PDE1A: variants seen among roughly 807,000 people sequenced by gnomAD.
PDE1A encodes the protein phosphodiesterase 1A.
In PDE1A, 35 loss-of-function variants were observed where a neutral mutation model predicts 61.7. The observed-to-expected ratio is 0.57, with a 90% CI of 0.43 to 0.75. PDE1A has a LOEUF of 0.75. PDE1A is among the 30% of genes least tolerant of loss of function. The pLI, the probability that PDE1A is intolerant of heterozygous loss-of-function variation, is 0.00. For synonymous variants in PDE1A, 232 were observed against 213.2 expected, an observed-to-expected ratio of 1.09 and a Z score of -0.77; for missense variants, 597 against 630.6, an observed-to-expected ratio of 0.95 and a Z score of 0.57.
intron 1 of PDE1A, among the ~76,000 whole-genome samples, chr2:182,363,895 A>G (rs1699661633): frequency 6.6e-6 from 1 of 152,016 alleles, no homozygotes; most frequent in Non-Finnish European, 1.5e-5. Context: ...CTCAGAACGT[A>G]TAGATGGAAA....
chr2:182,300,918 A>G (rs1322616241), intron 1 of PDE1A, among the ~76,000 whole-genome samples: 1 of 152,178 alleles, frequency 6.6e-6, no homozygotes, highest in African/African-American at 2.4e-5. Context: ...CAAATGACTG[A>G]TTTCTCATAA....
At chr2:182,199,032 T>C (rs540320294) in intron 10 of PDE1A, among the ~76,000 whole-genome samples, 6 of 152,112 alleles carry the variant, frequency 3.9e-5, no homozygotes, top group East Asian at 1.9e-4. Context: ...GAAACAGATA[T>C]ATGAATATTC....
At chr2:182,690,812 G>C in the PDE1A span, among the ~76,000 whole-genome samples, 1 of 152,162 alleles carries the variant, frequency 6.6e-6, no homozygotes, top group Non-Finnish European at 1.5e-5. Flanking sequence ...TCTTTAAGCT[G>C]ATAAGCAACT....
exon 15 of PDE1A, chr2:182,140,456 GC>G (rs1690179399): frequency 6.6e-6 from 1 of 152,104 alleles, no homozygotes; most frequent in South Asian, 2.1e-4. Flanking sequence ...AAATTGAATT[GC>G]ATAAAACACC....
At chr2:182,609,768 C>A in the PDE1A span, among the ~76,000 whole-genome samples, 2 of 152,342 alleles carry the variant, frequency 1.3e-5, no homozygotes, top group South Asian at 4.1e-4. Context: ...GATTCCCATT[C>A]CAGAGTGGGT....
chr2:182,240,094 C>T lies in PDE1A; in HGVS notation c.350+16G>A. On this transcript the variant is annotated intron_variant, in intron 3 of 13. Transcript: ENST00000351439. ...TTCAAATGTTACTGTCTTGAGATAC[C>T]AACAATTTCACTTACCTTTCCACAA... is the stretch of plus-strand genomic sequence containing the variant. 6.2e-7 allele frequency: 1 copy of T among 1,608,562 alleles called. No homozygotes were observed.
chr2:182,528,633 T>C, the PDE1A span, among the ~76,000 whole-genome samples: 2 of 152,190 alleles, frequency 1.3e-5, no homozygotes, highest in African/African-American at 4.8e-5. Flanking sequence ...CTCCACAGTA[T>C]GTCAGAGACC....
chr2:182,146,952 T>C (rs931443803), downstream of PDE1A: 4 of 535,820 alleles, frequency 7.5e-6, no homozygotes, highest in African/African-American at 7.8e-5. Context: ...GGAGGGCATT[T>C]AAATAAGAAA....
chr2:182,452,989 CACAA>C (rs2125723575), intron 2 of PDE1A, among the ~76,000 whole-genome samples: 1 of 152,208 alleles, frequency 6.6e-6, no homozygotes, highest in East Asian at 1.9e-4. Flanking sequence ...GGACAGTCCG[CACAA>C]ACAGATCCAA....
intron 13 of PDE1A, among the ~76,000 whole-genome samples, chr2:182,157,430 G>C (rs1010510721): frequency 6.6e-6 from 1 of 152,146 alleles, no homozygotes; most frequent in Non-Finnish European, 1.5e-5. Flanking sequence ...CAAGAGCTAT[G>C]AACTGTTTCT....
the PDE1A span, among the ~76,000 whole-genome samples, chr2:182,545,135 A>G: frequency 6.6e-6 from 1 of 152,238 alleles, no homozygotes; most frequent in African/African-American, 2.4e-5. Context: ...AAGGAAAGAC[A>G]GACACAAGTG....
At chr2:182,429,380 C>A (rs1422845551), upstream of PDE1A, among the ~76,000 whole-genome samples, 1 of 151,886 alleles carries the variant, frequency 6.6e-6, no homozygotes, top group Non-Finnish European at 1.5e-5. Flanking sequence ...CTGTAGTGTG[C>A]AAAATACTAA....
At chr2:182,250,532 C>A (rs1012173471) in intron 2 of PDE1A, among the ~76,000 whole-genome samples, 2 of 151,944 alleles carry the variant, frequency 1.3e-5, no homozygotes, top group Non-Finnish European at 2.9e-5. Context: ...TTTAAAATGG[C>A]AAGCTTACCA....
At chr2:182,694,826 G>T in the PDE1A span, among the ~76,000 whole-genome samples, 2 of 88,132 alleles carry the variant, frequency 2.3e-5, no homozygotes, top group Non-Finnish European at 5.4e-5. Context: ...AAAAAAAGGT[G>T]GGGGGGGGGC....
chr2:182,502,281 A>G (rs1559520129), intron 2 of PDE1A, among the ~76,000 whole-genome samples: 4 of 152,196 alleles, frequency 2.6e-5, no homozygotes, highest in African/African-American at 4.8e-5. Context: ...AGGTAAAGAC[A>G]TAAGTCCCCT....
At chr2:182,307,051 G>C (rs554303639) in intron 1 of PDE1A, among the ~76,000 whole-genome samples, 2 of 152,246 alleles carry the variant, frequency 1.3e-5, no homozygotes, top group Non-Finnish European at 2.9e-5. Context: ...CATATTATCT[G>C]TTAAGTGGTT....
chr2:182,451,848 A>C (rs542854741), intron 2 of PDE1A, among the ~76,000 whole-genome samples: 1 of 152,034 alleles, frequency 6.6e-6, no homozygotes, highest in Non-Finnish European at 1.5e-5. Flanking sequence ...TCTGCTCTGC[A>C]CTGCTTTCCT....
intron 1 of PDE1A, among the ~76,000 whole-genome samples, chr2:182,414,358 C>T (rs1337115389): frequency 1.3e-5 from 2 of 152,088 alleles, no homozygotes; most frequent in Admixed American, 1.3e-4. Context: ...ATTCCAGACC[C>T]CCCCAGGGGT....
At chr2:182,292,058 CTG>C (rs1415324201) in intron 1 of PDE1A, among the ~76,000 whole-genome samples, 1 of 152,002 alleles carries the variant, frequency 6.6e-6, no homozygotes, top group Non-Finnish European at 1.5e-5. Context: ...ATCTATAAAA[CTG>C]TATTGCCAAC....
Sources: allele counts gnomAD v4.1 joint callset (sites outside exome capture counted in the v4.1 genomes callset), GRCh38; gene constraint gnomAD v4.1.1; transcripts MANE v1.5; gene names NCBI Gene and HGNC (gene_info 2026-07-23, HGNC 2026-07-21).